The following MTOR variants were observed in gnomAD, a reference collection of about 807,000 sequenced individuals.
MTOR encodes the protein serine/threonine-protein kinase mTOR.
MTOR carries 70 observed loss-of-function variants against 319.8 expected under a neutral mutation model. That is an observed-to-expected ratio of 0.22 (90% confidence interval 0.18 to 0.27). MTOR has a LOEUF of 0.27. Among genes scored for constraint, MTOR ranks in the 10% least tolerant of loss-of-function variants. The pLI, the probability that MTOR is intolerant of heterozygous loss-of-function variation, is 1.00. For missense variants in MTOR, 1,890 were observed against 3,274.4 expected (o/e 0.58, Z 10.32); for synonymous variants, 1,183 against 1,211.4 (o/e 0.98, Z 0.49).
intron 15 of MTOR, 99 bp from the exon 16 acceptor site, chr1:11,232,627 C>T (rs1647057967): frequency 1.1e-6 from 1 of 945,030 alleles, no homozygotes; most frequent in African/African-American, 1.6e-5. Context: ...GTAATCCCAG[C>T]ACTTTGGGAG....
chr1:11,231,534 G>T lies in MTOR; in HGVS notation c.2515-100C>A, dbSNP rs918297136. ...TGATTATAATGAAGTGTTAGAGGCT[G>T]TAAGAAGAAAAGAGGTTTCCAGTAA... is the stretch of plus-strand genomic sequence containing the variant. On this transcript the variant is annotated intron_variant, in intron 16 of 57. Transcript: ENST00000361445. 4.9e-6 allele frequency: 7 copies of T among 1,429,264 alleles called. No individual in the cohort carries two copies. The African/African-American group carries it at 8.6e-5, about 17-fold the overall frequency. The allele number at this position is 1,429,264 out of a possible 1,614,324, so 88.5% of individuals were successfully genotyped here.
intron 30 of MTOR, among the ~76,000 whole-genome samples, chr1:11,155,758 C>T (rs575955498): frequency 2.6e-5 from 4 of 152,266 alleles, no homozygotes; most frequent in Admixed American, 1.3e-4. Context: ...CAATGTATTA[C>T]GACAGCCTGG....
intron 28 of MTOR, chr1:11,194,778 C>G (rs1645716207): frequency 7.5e-6 from 12 of 1,597,426 alleles, no homozygotes; most frequent in Non-Finnish European, 1.0e-5. Flanking sequence ...TCTTTCTGAC[C>G]CTGGCTCTAA....
At chr1:11,186,988 C>T (rs1645340553) in intron 28 of MTOR, among the ~76,000 whole-genome samples, 1 of 152,196 alleles carries the variant, frequency 6.6e-6, no homozygotes, top group African/African-American at 2.4e-5. Flanking sequence ...ATGCTAAAGG[C>T]TAGATGCTTC....
chr1:11,226,302 G>A (rs191269213), intron 19 of MTOR: 6 of 152,132 alleles, frequency 3.9e-5, no homozygotes, highest in Admixed American at 3.3e-4. Context: ...ATCTAGAGAA[G>A]ATTAGCATGG....
chr1:11,218,756 G>C (rs7549109), intron 19 of MTOR, among the ~76,000 whole-genome samples: 83,964 of 152,008 alleles, frequency 0.55, 27,194 homozygotes, highest in East Asian at 0.78. Context: ...TTCTTCCTTA[G>C]CCTTTCACAT....
At chr1:11,154,125 C>T (rs1182363751) in intron 30 of MTOR, among the ~76,000 whole-genome samples, 2 of 131,444 alleles carry the variant, frequency 1.5e-5, no homozygotes, top group Non-Finnish European at 3.1e-5. Context: ...CTAGAGGCTA[C>T]CATATTGGAC....
chr1:11,123,616 G>A (rs1052789809), intron 47 of MTOR, among the ~76,000 whole-genome samples: 1 of 152,050 alleles, frequency 6.6e-6, no homozygotes, highest in African/African-American at 2.4e-5. Flanking sequence ...CAACAGGCAT[G>A]AGCCACCATG....
chr1:11,171,147 A>G (rs931540538), intron 28 of MTOR, among the ~76,000 whole-genome samples: 1 of 150,220 alleles, frequency 6.7e-6, no homozygotes, highest in Non-Finnish European at 1.5e-5. Flanking sequence ...GTGAGCCAAG[A>G]TTATGCCACT....
At position 11,189,888 on chromosome 1, in the gene MTOR, C is replaced by T. The variant is rs775857380; in HGVS notation, c.4253+9370G>A. The stretch of plus-strand genomic sequence containing the variant: ...TCACAGATGCTGAGAGCAAGTACTC[C>T]GAGATGAACAACCAAATTGACATCA... On this transcript the variant is annotated intron_variant, in intron 28 of 57. Coordinates refer to ENST00000361445, the MANE Select transcript of MTOR (RefSeq NM_004958.4). The T allele has an allele frequency of 5.6e-5, 91 of 1,614,082 alleles. 1 individual carries two copies. The South Asian group carries it at 6.9e-4, about 12-fold the overall frequency.
chr1:11,157,061 C>T (rs1644341717), intron 30 of MTOR, 91 bp downstream of exon 30: 3 of 1,463,854 alleles, frequency 2.0e-6, no homozygotes, highest in Non-Finnish European at 1.8e-6. Flanking sequence ...GAAGTGAGAA[C>T]TCCGTGTGGG....
rs747700590 is a variant in MTOR at position 11,115,417 on chromosome 1, A to G, written c.7068T>C (p.Ile2356=). The change falls in exon 51 of 58, where the codon ATT becomes ATC. Residue 2356 remains isoleucine (I), a synonymous_variant. Transcript: ENST00000361445. The surrounding 1 kb of genome is among the most constrained non-coding windows in gnomAD (Gnocchi z 4.5). ...LDRLSGKILH[I]DFGDCFEVAM... is the part of the protein sequence containing the mutation. ...TCACCTCAAAGCAGTCCCCAAAGTC[A>G]ATGTGCAGGATCTTCCCACTCAGAC... The G allele has an allele frequency of 1.2e-6, 2 of 1,614,184 alleles. No individual in the cohort carries two copies. Among genetic ancestry groups the G allele is most frequent in the Non-Finnish European group, 1.7e-6 (2 of 1,180,006 alleles).
At chr1:11,144,253 C>G (rs1261433536) in intron 34 of MTOR, among the ~76,000 whole-genome samples, 2 of 152,120 alleles carry the variant, frequency 1.3e-5, no homozygotes, top group Non-Finnish European at 2.9e-5. Flanking sequence ...TCCTGAGTCT[C>G]TCCCCAGAAA....
In MTOR at chr1:11,199,624, C is replaced by T. The variant is rs939676380; in HGVS notation, c.4024G>A (p.Glu1342Lys). 6.2e-7 allele frequency: 1 copy of T among 1,614,126 alleles called. No homozygotes were observed. The highest frequency in any genetic ancestry group is 8.5e-7 in the Non-Finnish European group (1 of 1,180,032). ...ATGTCTTGTGAGGTGAGGGCCAACT[C>T]GATGCTTCTGATGAGCTCATCCTGT... The part of the protein sequence containing the change: ...DQQDELIRSI[E>K]LALTSQDIAE... The change falls in exon 27 of 58, where the codon GAG becomes AAG. Residue 1342 changes from glutamate (E) to lysine (K), a missense_variant. Around this residue, in one of 15 missense-constraint regions of MTOR, gnomAD observed 49 missense variants for 119.1 expected, o/e 0.41. Coordinates refer to ENST00000361445, the MANE Select transcript of MTOR (RefSeq NM_004958.4). This position sits in a 1 kb window ranked among gnomAD's most constrained non-coding sequence, Gnocchi z 4.5.
At chr1:11,217,970 T>A (rs932041526) in intron 19 of MTOR, among the ~76,000 whole-genome samples, 16 of 152,268 alleles carry the variant, frequency 1.1e-4, no homozygotes, top group Middle Eastern at 3.4e-3. Context: ...TATTCCCTAA[T>A]GATAACTTTG....
In MTOR at chr1:11,238,509, G is replaced by A. The variant is rs2100901255; in HGVS notation, c.1895C>T (p.Pro632Leu). 1.2e-6 allele frequency: 2 copies of A among 1,614,182 alleles called. No homozygotes were observed. Among genetic ancestry groups the A allele is most frequent in the African/African-American group, 1.3e-5 (1 of 75,036 alleles). ...AARTCSRLLT[P>L]SIHLISGHAH... ...ATGGCCACTGATGAGGTGGATGGAG[G>A]GTGTGAGCAGGCGGGAGCAGGTGCG... Residue 632 changes from proline to leucine, a missense_variant, in exon 12 of 58, where the codon CCC (proline) becomes CTC (leucine). Coordinates refer to ENST00000361445, the MANE Select transcript of MTOR (RefSeq NM_004958.4).
chr1:11,231,252 C>A, intron 17 of MTOR, 48 bp downstream of exon 17: 1 of 1,610,722 alleles, frequency 6.2e-7, no homozygotes, highest in South Asian at 1.1e-5. Flanking sequence ...TCTCTCTTGC[C>A]ATCGTCCCAG....
chr1:11,228,981 A>G (rs1646934290), intron 18 of MTOR, 63 bp from the exon 19 acceptor site: 2 of 1,584,014 alleles, frequency 1.3e-6, no homozygotes, highest in Non-Finnish European at 1.7e-6. Flanking sequence ...CAGGCAGAGC[A>G]TGGTTAGTAA....
At chr1:11,205,809 G>T (rs1465703513) in intron 25 of MTOR, among the ~76,000 whole-genome samples, 1 of 152,206 alleles carries the variant, frequency 6.6e-6, no homozygotes, top group African/African-American at 2.4e-5. Context: ...TTTTCCAGCA[G>T]GACACATCAA....
Sources: allele counts gnomAD v4.1 joint callset (sites outside exome capture counted in the v4.1 genomes callset), GRCh38; gene constraint gnomAD v4.1.1; regional missense constraint gnomAD v4.1.1; non-coding constraint Gnocchi (gnomAD v3.1); transcripts MANE v1.5; gene names NCBI Gene and HGNC (gene_info 2026-07-23, HGNC 2026-07-21).